Variants in QSER1 observed in about 807,000 individuals in gnomAD.
QSER1 encodes the protein glutamine and serine rich 1.
A neutral mutation model predicts 158.5 loss-of-function variants in QSER1; 49 were observed. The ratio of observed to expected loss-of-function variants is 0.31; its 90% CI spans 0.25 to 0.39. QSER1 has a LOEUF of 0.39. Ranked by LOEUF, QSER1 falls within the 10% of genes least tolerant of loss-of-function variation. The probability of loss-of-function intolerance (pLI) is 1.00; values close to 1 mark genes in which losing one functional copy is unlikely to be tolerated. For synonymous variants in QSER1, 650 were observed against 715.5 expected, an observed-to-expected ratio of 0.91 and a Z score of 1.46; for missense variants, 1,754 against 2,010.3, an observed-to-expected ratio of 0.87 and a Z score of 2.44.
At chr11:32,898,029 A>T (rs1454392049) in intron 1 of QSER1, among the ~76,000 whole-genome samples, 1 of 152,146 alleles carries the variant, frequency 6.6e-6, no homozygotes, top group Non-Finnish European at 1.5e-5. Context: ...GTAGCTTCCT[A>T]ACTTAGTCAT....
chr11:32,956,062 G>A lies in QSER1; in HGVS notation c.4692G>A (p.Lys1564=). ...TGAAGTTCATTGAAAATGCAAACAA[G>A]AAGGAATATGTCAGAGTGTGTTCTA... ...IYVKFIENAN[K]KEYVRVCSKK... is the part of the protein sequence containing the mutation. Residue 1564 remains lysine, a synonymous_variant, in exon 7 of 13, where the codon AAG becomes AAA. Transcript: ENST00000650167. 6.2e-7 allele frequency: 1 copy of A among 1,611,312 alleles called. No individual in the cohort carries two copies. Among genetic ancestry groups the A allele is most frequent in the Non-Finnish European group, 8.5e-7 (1 of 1,177,958 alleles).
At chr11:32,908,242 A>G (rs879285421) in intron 1 of QSER1, among the ~76,000 whole-genome samples, 9 of 152,340 alleles carry the variant, frequency 5.9e-5, no homozygotes, top group East Asian at 3.9e-4. Context: ...ATGAAATGCA[A>G]TTTTGGAGTT....
At position 32,961,201 on chromosome 11, in the gene QSER1, G is replaced by A. The variant is rs541701251; in HGVS notation, c.4969+3115G>A. ...AGAATATCCGTACTTAACTGAGAAAGCAATGGAAATACTCCTCCTGTATGT... is the reference window on the plus strand; with the variant it reads ...AGAATATCCGTACTTAACTGAGAAAACAATGGAAATACTCCTCCTGTATGT... On this transcript the variant is annotated intron_variant, in intron 8 of 12. Coordinates refer to ENST00000650167, the MANE Select transcript of QSER1 (RefSeq NM_001076786.3). 3.6e-3 allele frequency among the ~76,000 whole-genome samples: 541 copies of A among 152,172 alleles called. 2 individuals carry two copies. Among genetic ancestry groups the A allele is most frequent in the Non-Finnish European group, 6.1e-3 (414 of 67,980 alleles).
At chr11:32,922,204 C>T (rs1451723927) in intron 1 of QSER1, among the ~76,000 whole-genome samples, 1 of 152,094 alleles carries the variant, frequency 6.6e-6, no homozygotes, top group Non-Finnish European at 1.5e-5. Context: ...AGGTACACCA[C>T]CAAAAGTACA....
rs1459206848 is a variant in QSER1 at position 32,934,177 on chromosome 11, A to G, written c.2919A>G (p.Glu973=). The G allele has an allele frequency of 6.2e-7, 1 of 1,613,936 alleles. No homozygotes were observed. The highest frequency in any genetic ancestry group is 8.5e-7 in the Non-Finnish European group (1 of 1,180,016). Residue 973 remains glutamate (E), a synonymous_variant, in exon 4 of 13, where the codon GAA becomes GAG. Coordinates refer to ENST00000650167, the MANE Select transcript of QSER1 (RefSeq NM_001076786.3). ...CFPEAVLLSD[E]RNILSNVDDI... ...CAGAGGCAGTGCTTCTTAGTGATGA[A>G]AGAAATATTTTATCAAATGTAGATG...
At chr11:32,900,735 G>A (rs140411658) in intron 1 of QSER1, among the ~76,000 whole-genome samples, 31 of 152,168 alleles carry the variant, frequency 2.0e-4, no homozygotes, top group African/African-American at 5.5e-4. Flanking sequence ...CTTTTGCACC[G>A]GCTATTCTCT....
chr11:32,929,009 T>A (rs1400199123), intron 3 of QSER1, among the ~76,000 whole-genome samples: 1 of 152,228 alleles, frequency 6.6e-6, no homozygotes, highest in Non-Finnish European at 1.5e-5. Context: ...GTTGAAGAAG[T>A]TTTAAAATAA....
intron 1 of QSER1, among the ~76,000 whole-genome samples, chr11:32,924,452 C>G (rs893974306): frequency 3.3e-5 from 5 of 150,422 alleles, no homozygotes; most frequent in African/African-American, 1.2e-4. Flanking sequence ...CCCAGCTACT[C>G]GAGAGACTGA....
Position 32,932,130 on chromosome 11 carries a change from C to A in QSER1, c.872C>A (p.Thr291Asn). 1.2e-6 allele frequency: 2 copies of A among 1,614,184 alleles called. No individual in the cohort carries two copies. Among genetic ancestry groups the A allele is most frequent in the Non-Finnish European group, 1.7e-6 (2 of 1,180,026 alleles). The change falls in exon 4 of 13, where the codon ACT becomes AAT. Residue 291 changes from threonine to asparagine, a missense_variant. This residue lies in a region of QSER1 where 1,707 missense variants were observed against 1,919.6 expected (regional missense o/e 0.89). Transcript: ENST00000650167. ...TCAGCACTTGGGGGATCCCAGCAGA[C>A]TCCTCAAGCCTACAGTTCAACTCTC... ...LPSALGGSQQTPQAYSSTLFT... is the reference protein window; with the variant it reads ...LPSALGGSQQNPQAYSSTLFT...
intron 8 of QSER1, among the ~76,000 whole-genome samples, chr11:32,965,944 AACACACACACACACACACACACACAC>A (rs5790910): frequency 8.1e-6 from 1 of 123,520 alleles, no homozygotes; most frequent in South Asian, 3.1e-4. Context: ...TCTGTCTCAA[AACACACACACACACACACACACACAC>A]ACACACACAC....
At chr11:32,964,188 T>C (rs1219847188) in intron 8 of QSER1, among the ~76,000 whole-genome samples, 1 of 151,958 alleles carries the variant, frequency 6.6e-6, no homozygotes, top group Non-Finnish European at 1.5e-5. Flanking sequence ...TTGCCTGGGC[T>C]GGTCTTGAAC....
At position 32,934,690 on chromosome 11, in the gene QSER1, T is replaced by C; in HGVS notation, c.3432T>C (p.Ser1144=). The C allele has an allele frequency of 6.2e-7, 1 of 1,613,814 alleles. No individual in the cohort carries two copies. Among genetic ancestry groups the C allele is most frequent in the Non-Finnish European group, 8.5e-7 (1 of 1,179,902 alleles). ...QEFVSSSRSI[S]GENATSESEF... is the part of the protein sequence containing the mutation. ...TTGTTTCTAGTAGTAGAAGTATAAG[T>C]GGAGAGAATGCTACATCAGAGAGTG... Residue 1144 remains serine (S), a synonymous_variant, in exon 4 of 13, where the codon AGT becomes AGC. Coordinates refer to ENST00000650167, the MANE Select transcript of QSER1 (RefSeq NM_001076786.3).
At chr11:32,939,474 T>C (rs1334780390) in intron 4 of QSER1, among the ~76,000 whole-genome samples, 1 of 152,222 alleles carries the variant, frequency 6.6e-6, no homozygotes, top group Non-Finnish European at 1.5e-5. Flanking sequence ...TTTGGCATTC[T>C]GGGATGTTCT....
chr11:32,937,606 G>A (rs1380716168), intron 4 of QSER1, among the ~76,000 whole-genome samples: 2 of 152,154 alleles, frequency 1.3e-5, no homozygotes, highest in Non-Finnish European at 2.9e-5. Context: ...TTTCTCGCCA[G>A]TCTCTATGCC....
intron 4 of QSER1, among the ~76,000 whole-genome samples, chr11:32,952,357 C>T (rs1408794823): frequency 1.3e-5 from 2 of 151,476 alleles, no homozygotes; most frequent in East Asian, 2.0e-4. Context: ...GCTTTTTCTT[C>T]ACCTATTGAA....
At chr11:32,960,911 T>C (rs1736892212) in intron 8 of QSER1, among the ~76,000 whole-genome samples, 2 of 152,214 alleles carry the variant, frequency 1.3e-5, no homozygotes, top group African/African-American at 4.8e-5. Flanking sequence ...ATTTTCAGAC[T>C]CTTTGTTTCA....
chr11:32,897,334 T>G (rs924437319), intron 1 of QSER1, among the ~76,000 whole-genome samples: 3 of 152,208 alleles, frequency 2.0e-5, no homozygotes, highest in Admixed American at 2.0e-4. Context: ...TGTACTGCAC[T>G]GCTTTATTGT....
chr11:32,917,821 C>A (rs1407876656), intron 1 of QSER1, among the ~76,000 whole-genome samples: 666 of 80,580 alleles, frequency 8.3e-3, no homozygotes, highest in African/African-American at 0.019. Flanking sequence ...GACTCTGTCT[C>A]AAAAAAAAAA....
Position 32,892,925 on chromosome 11 carries a change from C to T in QSER1, c.-201C>T, listed in dbSNP as rs1176976114. On this transcript the variant is annotated 5_prime_UTR_variant, in exon 1 of 13. Coordinates refer to ENST00000650167, the MANE Select transcript of QSER1 (RefSeq NM_001076786.3). Reference sequence around the variant, plus strand: ...TGACGCCCAGCTGGGGCCTCGCCGCCCGCCGCGGCCCGGGTCTTTGCGGCC... The same window carrying T: ...TGACGCCCAGCTGGGGCCTCGCCGCTCGCCGCGGCCCGGGTCTTTGCGGCC... 6.8e-6 allele frequency among the ~76,000 whole-genome samples: 1 copy of T among 147,662 alleles called. No homozygotes were observed. The highest frequency in any genetic ancestry group is 1.5e-5 in the Non-Finnish European group (1 of 66,462).
Sources: allele counts gnomAD v4.1 joint callset (sites outside exome capture counted in the v4.1 genomes callset), GRCh38; gene constraint gnomAD v4.1.1; regional missense constraint gnomAD v4.1.1; transcripts MANE v1.5; gene names NCBI Gene and HGNC (gene_info 2026-07-23, HGNC 2026-07-21).